Variants in CACNG3 observed in about 807,000 individuals in gnomAD.
CACNG3 encodes the protein voltage-dependent calcium channel gamma-3 subunit.
CACNG3 carries 3 observed loss-of-function variants against 28.5 expected under a neutral mutation model. The observed-to-expected ratio is 0.11, with a 90% confidence interval of 0.05 to 0.27. The LOEUF (loss-of-function observed/expected upper bound fraction) is 0.27. Ranked by LOEUF, CACNG3 falls within the 10% of genes least tolerant of loss-of-function variation. The pLI is 1.00. For synonymous variants in CACNG3, 174 were observed against 162.2 expected (o/e 1.07, Z -0.55); for missense variants, 236 against 414.4 (o/e 0.57, Z 3.74).
At chr16:24,339,845 T>C (rs1899760173) in intron 1 of CACNG3, among the ~76,000 whole-genome samples, 1 of 152,240 alleles carries the variant, frequency 6.6e-6, no homozygotes, top group South Asian at 2.1e-4. Context: ...ATGGGCATTC[T>C]TATCTCAGTC....
At chr16:24,313,720 A>G (rs1257340801) in intron 1 of CACNG3, among the ~76,000 whole-genome samples, 1 of 151,946 alleles carries the variant, frequency 6.6e-6, no homozygotes, top group Non-Finnish European at 1.5e-5. Context: ...TCAGCCTCCC[A>G]AAGTGACTTT....
At chr16:24,340,459 CA>C (rs1228126683) in intron 1 of CACNG3, among the ~76,000 whole-genome samples, 1 of 152,064 alleles carries the variant, frequency 6.6e-6, no homozygotes, top group African/African-American at 2.4e-5. Context: ...ATAGATTTGC[CA>C]ATTACCTTGA....
At chr16:24,344,410 G>A (rs1350321076) in intron 1 of CACNG3, among the ~76,000 whole-genome samples, 14 of 146,300 alleles carry the variant, frequency 9.6e-5, no homozygotes, top group Admixed American at 2.0e-4. Flanking sequence ...CTCAGTCTCA[G>A]AAAAAAAAAA....
At chr16:24,353,444 A>C (rs984892452) in intron 2 of CACNG3, among the ~76,000 whole-genome samples, 1 of 152,246 alleles carries the variant, frequency 6.6e-6, no homozygotes, top group Admixed American at 6.5e-5. Context: ...CCACCAGAAA[A>C]TACTCTTATA....
intron 1 of CACNG3, among the ~76,000 whole-genome samples, chr16:24,285,794 C>T (rs776686923): frequency 3.3e-5 from 5 of 151,450 alleles, no homozygotes; most frequent in Non-Finnish European, 5.9e-5. Flanking sequence ...CTTTTCAATA[C>T]ACCATGGCTA....
chr16:24,283,143 A>C (rs1384981294), intron 1 of CACNG3, among the ~76,000 whole-genome samples: 2 of 152,070 alleles, frequency 1.3e-5, no homozygotes, highest in Admixed American at 1.3e-4. Flanking sequence ...ACTCAATACT[A>C]GAAGAGCGCC....
chr16:24,257,167 T>A (rs901515823), intron 1 of CACNG3, among the ~76,000 whole-genome samples: 3 of 152,138 alleles, frequency 2.0e-5, no homozygotes, highest in African/African-American at 7.2e-5. Context: ...GTTTTTAGTA[T>A]AAGCTTCATG....
intron 1 of CACNG3, among the ~76,000 whole-genome samples, chr16:24,328,266 G>T (rs765615331): frequency 1.3e-5 from 2 of 151,892 alleles, no homozygotes; most frequent in Non-Finnish European, 2.9e-5. Context: ...TCAAATGCAG[G>T]ATGGAGAGGG....
intron 1 of CACNG3, among the ~76,000 whole-genome samples, chr16:24,294,248 C>T (rs1899001464): frequency 6.6e-6 from 1 of 152,198 alleles, no homozygotes; most frequent in Non-Finnish European, 1.5e-5. Context: ...CTCCGGGCAG[C>T]GAGGACAGTT....
intron 1 of CACNG3, among the ~76,000 whole-genome samples, chr16:24,294,852 G>T (rs533232243): frequency 8.1e-4 from 123 of 152,300 alleles, no homozygotes; most frequent in African/African-American, 2.9e-3. Context: ...ATTTCATAGA[G>T]CTACTATGAG....
intron 1 of CACNG3, among the ~76,000 whole-genome samples, chr16:24,275,912 G>C (rs1005269529): frequency 2.6e-5 from 4 of 152,196 alleles, no homozygotes; most frequent in Non-Finnish European, 5.9e-5. Flanking sequence ...TTAGAAAAAT[G>C]GATTTTCATG....
intron 1 of CACNG3, among the ~76,000 whole-genome samples, chr16:24,318,623 C>T (rs1326191950): frequency 6.6e-6 from 1 of 152,180 alleles, no homozygotes; most frequent in African/African-American, 2.4e-5. Context: ...TGGCACCTCC[C>T]AGCGATAGTG....
chr16:24,273,558 C>A (rs996274368), intron 1 of CACNG3, among the ~76,000 whole-genome samples: 1 of 152,228 alleles, frequency 6.6e-6, no homozygotes, highest in Non-Finnish European at 1.5e-5. Context: ...AGACCAATGT[C>A]TTCCATGCTT....
chr16:24,282,419 T>TA (rs398119306), intron 1 of CACNG3, among the ~76,000 whole-genome samples: 2 of 150,986 alleles, frequency 1.3e-5, no homozygotes, highest in Non-Finnish European at 3.0e-5. Context: ...TTTTTTTTTT[T>TA]AAACGGAATC....
intron 1 of CACNG3, among the ~76,000 whole-genome samples, chr16:24,276,766 T>C (rs1055793829): frequency 6.6e-6 from 1 of 152,216 alleles, no homozygotes; most frequent in African/African-American, 2.4e-5. Context: ...ATTCATAGCA[T>C]CTTGTGTCTT....
chr16:24,281,498 C>A (rs1898826759), intron 1 of CACNG3, among the ~76,000 whole-genome samples: 1 of 152,156 alleles, frequency 6.6e-6, no homozygotes, highest in Non-Finnish European at 1.5e-5. Context: ...GCATGAACCA[C>A]TATGACCAGG....
At chr16:24,279,912 G>A (rs556755846) in intron 1 of CACNG3, among the ~76,000 whole-genome samples, 1 of 152,296 alleles carries the variant, frequency 6.6e-6, no homozygotes, top group Admixed American at 6.5e-5. Flanking sequence ...ACACTCAAGT[G>A]GAGGTGTTAA....
At chr16:24,311,152 T>A (rs1441554034) in intron 1 of CACNG3, among the ~76,000 whole-genome samples, 1 of 152,238 alleles carries the variant, frequency 6.6e-6, no homozygotes, top group Non-Finnish European at 1.5e-5. Context: ...CCCAATTTTG[T>A]CATCTGTAAA....
At chr16:24,281,273 G>A (rs79497245) in intron 1 of CACNG3, among the ~76,000 whole-genome samples, 129 of 152,196 alleles carry the variant, frequency 8.5e-4, no homozygotes, top group African/African-American at 2.9e-3. Context: ...TCAGCTCGCT[G>A]TAATCTCGAC....
Sources: gnomAD v4.1 joint callset for allele counts (sites outside exome capture counted in the v4.1 genomes callset) on GRCh38, gnomAD v4.1.1 for gene constraint, MANE v1.5 for transcripts, NCBI Gene and HGNC (gene_info 2026-07-23, HGNC 2026-07-21) for gene names.